Variants in CLPX observed in about 807,000 individuals in gnomAD.
CLPX encodes the protein ATP-dependent clpX-like chaperone, mitochondrial.
A neutral mutation model predicts 76.4 loss-of-function variants in CLPX; 34 were observed. The ratio of observed to expected loss-of-function variants is 0.45; its 90% CI spans 0.34 to 0.59. The LOEUF (loss-of-function observed/expected upper bound fraction) is 0.59, where lower values mean the gene tolerates loss of function less well. CLPX is among the 20% of genes least tolerant of loss of function. The probability of loss-of-function intolerance (pLI) is 0.01; values close to 1 mark genes in which losing one functional copy is unlikely to be tolerated. For missense variants in CLPX, 613 were observed against 757.0 expected, an observed-to-expected ratio of 0.81 and a Z score of 2.23; for synonymous variants, 248 against 270.9, an observed-to-expected ratio of 0.92 and a Z score of 0.83.
At chr15:65,168,556 C>G (rs770754932) in intron 3 of CLPX, among the ~76,000 whole-genome samples, 56 of 130,604 alleles carry the variant, frequency 4.3e-4, no homozygotes, top group Non-Finnish European at 7.7e-4. Context: ...AATGAGAACA[C>G]TTGGACACAG....
At chr15:65,157,031 G>C in intron 8 of CLPX, 99 bp from the exon 9 acceptor site, 1 of 684,240 alleles carries the variant, frequency 1.5e-6, no homozygotes, top group Non-Finnish European at 2.5e-6. Flanking sequence ...AAAGTTATTT[G>C]ATCTTTCATA....
chr15:65,156,696 C>A (rs931353199), intron 9 of CLPX, 148 bp downstream of exon 9: 2 of 474,822 alleles, frequency 4.2e-6, no homozygotes, highest in Admixed American at 3.9e-5. Flanking sequence ...CTTTTAGGAT[C>A]TAAACTACTT....
chr15:65,154,989 A>C lies in CLPX; in HGVS notation c.1404T>G (p.Thr468=), dbSNP rs2087768663. The change falls in exon 11 of 14, where the codon ACT becomes ACG. Residue 468 remains threonine (T), a synonymous_variant. Transcript: ENST00000300107. The part of the protein sequence containing the change: ...DLANRSGESN[T]HQDIEEKDRL... The stretch of plus-strand genomic sequence containing the variant: ...GATCTTTTTCTTCAATGTCTTGGTG[A>C]GTATTCGATTCCCCACTTCGATTAG... 6.2e-7 allele frequency: 1 copy of C among 1,614,024 alleles called. No homozygotes were observed. The highest frequency in any genetic ancestry group is 8.5e-7 in the Non-Finnish European group (1 of 1,180,012).
rs55657623 is a variant in CLPX, at chr15:65,157,696, C to T, written c.1057+50G>A. 3.9e-3 allele frequency: 5,901 copies of T among 1,502,564 alleles called. 20 individuals carry two copies. The highest frequency in any genetic ancestry group is 4.8e-3 in the Non-Finnish European group (5,274 of 1,105,596). 93.1% of individuals were successfully genotyped at this position (1,502,564 alleles called of 1,614,324 possible). On this transcript the variant is annotated intron_variant, in intron 8 of 13. Transcript: ENST00000300107. Reference sequence around the variant, plus strand: ...AATTATATTGTCTCTTAATATTAGACTGATTCCCCAATATTCTAAATCTGG... The same window carrying T: ...AATTATATTGTCTCTTAATATTAGATTGATTCCCCAATATTCTAAATCTGG...
intron 3 of CLPX, among the ~76,000 whole-genome samples, chr15:65,172,968 T>C (rs1024056320): frequency 1.3e-5 from 2 of 152,158 alleles, no homozygotes; most frequent in African/African-American, 2.4e-5. Flanking sequence ...TCAGCTATGA[T>C]TGCGCCACTG....
At chr15:65,182,453 C>T (rs1255245682) in intron 1 of CLPX, among the ~76,000 whole-genome samples, 1 of 152,024 alleles carries the variant, frequency 6.6e-6, no homozygotes, top group Non-Finnish European at 1.5e-5. Context: ...GATCTAACAG[C>T]TTTTTAAATA....
At chr15:65,163,074 G>A (rs957185896) in intron 5 of CLPX, among the ~76,000 whole-genome samples, 2 of 151,928 alleles carry the variant, frequency 1.3e-5, no homozygotes, top group African/African-American at 2.4e-5. Flanking sequence ...AAGAGTTCAC[G>A]CCTATTAATC....
In CLPX at chr15:65,159,117, C is replaced by A. The variant is rs186174521; in HGVS notation, c.716-366G>T. ...TAAGTAGAAGCTACATGATCTAGGG[C>A]AAGTCATATAAACTTTATGTTCCTG... On this transcript the variant is annotated intron_variant, in intron 6 of 13. Transcript: ENST00000300107. Among the ~76,000 whole-genome samples the A allele has an allele frequency of 4.2e-3, 643 of 152,266 alleles. 7 individuals are homozygous for A. Among genetic ancestry groups the A allele is most frequent in the African/African-American group, 0.014 (598 of 41,546 alleles).
chr15:65,155,546 TCCCTGTATA>T, intron 10 of CLPX, 137 bp downstream of exon 10: 1 of 695,014 alleles, frequency 1.4e-6, no homozygotes. Flanking sequence ...ACCGCACCCT[TCCCTGTATA>T]TTTCTGATAT....
intron 3 of CLPX, among the ~76,000 whole-genome samples, chr15:65,174,673 T>C (rs531199182): frequency 1.3e-5 from 2 of 152,222 alleles, no homozygotes; most frequent in Admixed American, 6.5e-5. Context: ...TGTACAGCTG[T>C]CCCTTGGCAC....
intron 3 of CLPX, among the ~76,000 whole-genome samples, chr15:65,167,849 T>C (rs1257820744): frequency 2.7e-5 from 4 of 150,844 alleles, no homozygotes; most frequent in Middle Eastern, 3.4e-3. Context: ...GATTGCGCCA[T>C]TGCACTCCAG....
At chr15:65,159,436 C>T (rs916297981) in intron 6 of CLPX, among the ~76,000 whole-genome samples, 1 of 152,116 alleles carries the variant, frequency 6.6e-6, no homozygotes, top group Non-Finnish European at 1.5e-5. Context: ...CACGGTGAAA[C>T]CCCATCTCTA....
At chr15:65,153,413 A>C (rs2087748898) in intron 12 of CLPX, 134 bp downstream of exon 12, 1 of 624,124 alleles carries the variant, frequency 1.6e-6, no homozygotes, top group Non-Finnish European at 2.8e-6. Context: ...CCAAGATCGC[A>C]CCACTGCACT....
intron 4 of CLPX, among the ~76,000 whole-genome samples, chr15:65,165,348 A>C (rs2087896774): frequency 6.8e-6 from 1 of 147,592 alleles, no homozygotes; most frequent in Admixed American, 6.7e-5. Context: ...TAATTCAAAA[A>C]CTCCTGAAAT....
intron 4 of CLPX, among the ~76,000 whole-genome samples, chr15:65,166,156 G>C (rs1156685790): frequency 6.6e-6 from 1 of 152,028 alleles, no homozygotes; most frequent in African/African-American, 2.4e-5. Flanking sequence ...GAGCAGCCCG[G>C]CACACTGGCT....
At position 65,164,722 on chromosome 15, in the gene CLPX, T is replaced by TA. The variant is rs567562517; in HGVS notation, c.514-535dup. ...TTTTCTCAGACATTAACTTTAAAGC[T>TA]ACTCATTTATCTGAGACTCTAAAAA... On this transcript the variant is annotated intron_variant, in intron 4 of 13. Coordinates refer to ENST00000300107, the MANE Select transcript of CLPX (RefSeq NM_006660.5). 4.3e-3 allele frequency among the ~76,000 whole-genome samples: 661 copies of TA among 152,260 alleles called. 8 individuals carry two copies. Among genetic ancestry groups the TA allele is most frequent in the African/African-American group, 0.015 (616 of 41,588 alleles).
Position 65,162,602 on chromosome 15 carries a change from A to G in CLPX, c.715+2T>C. 1 of 1,579,366 alleles carries G rather than the reference A, an allele frequency of 6.3e-7. No homozygotes were observed. The highest frequency in any genetic ancestry group is 2.2e-5 in the East Asian group (1 of 44,498). ...TACAGAGGAGGACCTGAAGTCACTTACTTGTAAATCTGTACTCATCCTCCC... is the reference window on the plus strand; with the variant it reads ...TACAGAGGAGGACCTGAAGTCACTTGCTTGTAAATCTGTACTCATCCTCCC... On this transcript the variant is annotated splice_donor_variant, in intron 6 of 13. Transcript: ENST00000300107. LOFTEE classifies it high-confidence loss of function.
intron 12 of CLPX, among the ~76,000 whole-genome samples, chr15:65,152,898 CTTTTT>C (rs1056417455): frequency 6.7e-6 from 1 of 149,282 alleles, no homozygotes; most frequent in South Asian, 2.1e-4. Context: ...TGCCCAGCCT[CTTTTT>C]TTTTGTTTGT....
chr15:65,154,664 A>T, intron 11 of CLPX, 118 bp downstream of exon 11: 2 of 695,112 alleles, frequency 2.9e-6, no homozygotes, highest in Admixed American at 5.9e-5. Context: ...CATATTTAGT[A>T]AGGAATAGGC....
Sources: gnomAD v4.1 joint callset for allele counts (sites outside exome capture counted in the v4.1 genomes callset) on GRCh38, gnomAD v4.1.1 for gene constraint, MANE v1.5 for transcripts, NCBI Gene and HGNC (gene_info 2026-07-23, HGNC 2026-07-21) for gene names.